The following ATP2A1 variants were observed in gnomAD, a reference collection of about 807,000 sequenced individuals.
ATP2A1 encodes ATPase sarcoplasmic/endoplasmic reticulum Ca2+ transporting 1.
ATP2A1 carries 83 observed loss-of-function variants against 109.5 expected under a neutral mutation model. That is an observed-to-expected ratio of 0.76 (90% confidence interval 0.63 to 0.91). The LOEUF (loss-of-function observed/expected upper bound fraction) is 0.91. Ranked by LOEUF, ATP2A1 falls within the 40% of genes least tolerant of loss-of-function variation. The pLI is 0.00. For synonymous variants in ATP2A1, 505 were observed against 537.6 expected, an observed-to-expected ratio of 0.94 and a Z score of 0.84; for missense variants, 1,101 against 1,341.0, an observed-to-expected ratio of 0.82 and a Z score of 2.80.
chr16:28,879,448 AC>A (rs1161856513), intron 2 of ATP2A1, 52 bp from the exon 3 acceptor site: 1 of 1,551,590 alleles, frequency 6.4e-7, no homozygotes, highest in African/African-American at 1.4e-5. Flanking sequence ...TCCATCCCAG[AC>A]CTTCACCCAC....
chr16:28,879,742 T>C lies in ATP2A1; in HGVS notation c.219+159T>C, dbSNP rs556589307. ...GCAGCAGCGGGTGTGATTCGCGTCC[T>C]CCTCTCTCCTCCCCTGCACCCCAGA... On this transcript the variant is annotated intron_variant, in intron 3 of 22. Coordinates refer to ENST00000395503, the MANE Select transcript of ATP2A1 (RefSeq NM_004320.6). 8 of 845,658 alleles carry C rather than the reference T, an allele frequency of 9.5e-6. No individual in the cohort carries two copies. In the East Asian group the frequency reaches 1.3e-4, roughly 14 times the overall value. 52.4% of individuals were successfully genotyped at this position (845,658 alleles called of 1,614,324 possible).
rs756027415 is a variant in ATP2A1 at position 28,888,849 on chromosome 16, G to A, written c.991G>A (p.Ala331Thr). The A allele has an allele frequency of 1.3e-6, 2 of 1,591,550 alleles. No homozygotes were observed. The highest frequency in any genetic ancestry group is 1.1e-5 in the South Asian group (1 of 90,788). The stretch of plus-strand genomic sequence containing the variant: ...TACCCGTCGGATGGCAAAGAAGAAT[G>A]CCATTGTAAGAAGCTTGCCCTCCGT... ...LGTRRMAKKN[A>T]IVRSLPSVET... The change falls in exon 9 of 23, where the codon GCC (alanine) becomes ACC (threonine). Residue 331 changes from alanine to threonine, a missense_variant. Transcript: ENST00000395503.
intron 12 of ATP2A1, 126 bp downstream of exon 12, chr16:28,895,079 G>A: frequency 2.2e-6 from 3 of 1,376,164 alleles, no homozygotes; most frequent in Non-Finnish European, 2.0e-6. Context: ...GCAGCAGACA[G>A]CCCCTGCAGC....
intron 14 of ATP2A1, among the ~76,000 whole-genome samples, chr16:28,900,191 C>A (rs1180400500): frequency 6.6e-6 from 1 of 151,634 alleles, no homozygotes; most frequent in Non-Finnish European, 1.5e-5. Context: ...GTCCCAGCTA[C>A]TTGGGAGGGT....
intron 5 of ATP2A1, 89 bp downstream of exon 5, chr16:28,882,678 T>A: frequency 6.4e-7 from 1 of 1,562,086 alleles, no homozygotes; most frequent in Non-Finnish European, 8.7e-7. Context: ...CGGATCCAGG[T>A]GTCCAGGAGG....
chr16:28,895,428 C>T (rs993336963), intron 12 of ATP2A1, among the ~76,000 whole-genome samples: 12 of 152,306 alleles, frequency 7.9e-5, no homozygotes, highest in South Asian at 4.1e-4. Context: ...ACTTGCTGAA[C>T]GTCTCCATTA....
chr16:28,890,306 AAAAAAAAAAATT>A (rs1963733689), intron 9 of ATP2A1, among the ~76,000 whole-genome samples: 1 of 151,116 alleles, frequency 6.6e-6, no homozygotes, highest in Non-Finnish European at 1.5e-5. Flanking sequence ...AAAAAAAAAA[AAAAAAAAAAATT>A]AGCCTGATGT....
chr16:28,894,394 C>T, intron 10 of ATP2A1, 111 bp from the exon 11 acceptor site: 2 of 1,306,468 alleles, frequency 1.5e-6, no homozygotes, highest in South Asian at 2.5e-5. Flanking sequence ...TTGGCTCTCC[C>T]CACTGTCCTT....
intron 3 of ATP2A1, chr16:28,879,959 A>C: frequency 3.0e-6 from 3 of 1,002,688 alleles, no homozygotes; most frequent in Non-Finnish European, 3.6e-6. Flanking sequence ...CGGCCGCTCC[A>C]CCAATCCCCG....
At chr16:28,886,326 G>A (rs1010225697) in intron 6 of ATP2A1, among the ~76,000 whole-genome samples, 3 of 152,130 alleles carry the variant, frequency 2.0e-5, no homozygotes, top group African/African-American at 7.2e-5. Flanking sequence ...AACAGAGCAA[G>A]ACCCTGTCTC....
At position 28,888,782 on chromosome 16, in the gene ATP2A1, C is replaced by G. The variant is rs371401695; in HGVS notation, c.929-5C>G. The stretch of plus-strand genomic sequence containing the variant: ...TTCCCTCACACCCTCCCTCCCTCCC[C>G]ACAGGTCTTCCTGCAGTCATCACCA... On this transcript the variant is annotated splice_polypyrimidine_tract_variant and splice_region_variant and intron_variant, in intron 8 of 22. Transcript: ENST00000395503. 6 of 1,613,610 alleles carry G rather than the reference C, an allele frequency of 3.7e-6. No individual in the cohort carries two copies. In the African/African-American group the frequency reaches 5.3e-5, roughly 14 times the overall value.
intron 14 of ATP2A1, among the ~76,000 whole-genome samples, chr16:28,900,114 G>T (rs1014771680): frequency 6.6e-6 from 1 of 151,666 alleles, no homozygotes; most frequent in African/African-American, 2.4e-5. Context: ...GGGCAACATA[G>T]CAAGATCCTT....
rs1286094057 is a variant in ATP2A1 at position 28,880,128 on chromosome 16, C to T, written c.219+545C>T. The T allele has an allele frequency of 3.0e-6, 3 of 995,428 alleles. No homozygotes were observed. Among genetic ancestry groups the T allele is most frequent in the Admixed American group, 1.2e-4 (2 of 16,670 alleles). The allele number at this position is 995,428 out of a possible 1,614,324, so 61.7% of individuals were successfully genotyped here. On this transcript the variant is annotated intron_variant, in intron 3 of 22. Coordinates refer to ENST00000395503, the MANE Select transcript of ATP2A1 (RefSeq NM_004320.6). This position sits in a 1 kb window ranked among gnomAD's most constrained non-coding sequence, Gnocchi z 4.2. ...GGGCACTGGCATCCCTCATTACCCG[C>T]CCAGCCTGGCCTTAGCCCTTCCCCG...
chr16:28,894,712 A>C, intron 11 of ATP2A1, 105 bp downstream of exon 11: 2 of 1,592,894 alleles, frequency 1.3e-6, no homozygotes, highest in Non-Finnish European at 1.7e-6. Context: ...GCCCTCTGCC[A>C]GGGTGCAAGG....
intron 2 of ATP2A1, 40 bp downstream of exon 2, chr16:28,879,156 C>A: frequency 6.2e-7 from 1 of 1,611,680 alleles, no homozygotes; most frequent in Non-Finnish European, 8.5e-7. Context: ...AAATGACCAC[C>A]CCCCACCCCG....
At chr16:28,879,674 C>T (rs1374430222) in intron 3 of ATP2A1, 91 bp downstream of exon 3, 4 of 1,397,794 alleles carry the variant, frequency 2.9e-6, no homozygotes, top group East Asian at 4.9e-5. Context: ...TCCTCCCGTC[C>T]GAGTCCCGAG....
chr16:28,889,041 C>G, intron 9 of ATP2A1, 88 bp downstream of exon 9: 8 of 1,551,950 alleles, frequency 5.2e-6, no homozygotes. Context: ...CTCCCTTCAT[C>G]ACTGCTGGCT....
At chr16:28,887,034 C>A (rs1963632805) in intron 6 of ATP2A1, among the ~76,000 whole-genome samples, 155 bp from the exon 7 acceptor site, 1 of 151,398 alleles carries the variant, frequency 6.6e-6, no homozygotes, top group Non-Finnish European at 1.5e-5. Flanking sequence ...TTCCTAGCTG[C>A]CTTCAGTGGC....
In ATP2A1 at chr16:28,900,846, C is replaced by T; in HGVS notation, c.2030C>T (p.Ala677Val). The T allele has an allele frequency of 6.2e-7, 1 of 1,614,202 alleles. No homozygotes were observed. The highest frequency in any genetic ancestry group is 8.5e-7 in the Non-Finnish European group (1 of 1,180,044). ...GCCTGCCGACGTGCCTGCTGCTTCG[C>T]CCGTGTGGAGCCCTCGCACAAGTCC... ...REACRRACCF[A>V]RVEPSHKSKI... is the part of the protein sequence containing the mutation. The change falls in exon 15 of 23, where the codon GCC becomes GTC. Residue 677 changes from alanine (A) to valine (V), a missense_variant. By Grantham distance (64) the Ala-to-Val change is moderately conservative. Transcript: ENST00000395503.
Sources: gnomAD v4.1 joint callset for allele counts (sites outside exome capture counted in the v4.1 genomes callset) on GRCh38, gnomAD v4.1.1 for gene constraint, Gnocchi (gnomAD v3.1) non-coding constraint, MANE v1.5 for transcripts, NCBI Gene and HGNC (gene_info 2026-07-23, HGNC 2026-07-21) for gene names.